CDH13: variants seen among roughly 807,000 people sequenced by gnomAD.
CDH13 encodes cadherin-13.
A neutral mutation model predicts 63.8 loss-of-function variants in CDH13; 24 were observed. The ratio of observed to expected loss-of-function variants is 0.38; its 90% CI spans 0.27 to 0.53. CDH13 has a LOEUF of 0.53. CDH13 is among the 20% of genes least tolerant of loss of function. CDH13 has a pLI of 0.85. For missense variants in CDH13, 1,049 were observed against 903.1 expected (o/e 1.16, Z -2.07); for synonymous variants, 503 against 355.3 (o/e 1.42, Z -4.67).
intron 1 of CDH13, among the ~76,000 whole-genome samples, chr16:82,788,798 G>C (rs1007897154): frequency 6.6e-6 from 1 of 152,188 alleles, no homozygotes; most frequent in Admixed American, 6.5e-5. Context: ...GAGCCCAGGT[G>C]ATGTTATTTG....
intron 1 of CDH13, among the ~76,000 whole-genome samples, chr16:82,785,176 A>G (rs2035945653): frequency 6.6e-6 from 1 of 152,142 alleles, no homozygotes; most frequent in Non-Finnish European, 1.5e-5. Flanking sequence ...ACGGAGAGAC[A>G]TAAGATAGAT....
intron 4 of CDH13, among the ~76,000 whole-genome samples, chr16:83,178,519 C>G (rs1380673607): frequency 1.3e-5 from 2 of 152,182 alleles, no homozygotes; most frequent in African/African-American, 4.8e-5. Context: ...ACGCAAATAA[C>G]TCAGACCTGA....
chr16:82,777,951 G>C lies in CDH13; in HGVS notation c.46-80411G>C, dbSNP rs375908102. On this transcript the variant is annotated intron_variant, in intron 1 of 13. Coordinates refer to ENST00000567109, the MANE Select transcript of CDH13 (RefSeq NM_001257.5). ...ATAGGTGAGAAGAGCCAGAAAGCCAGAGGGCCAAGAAAACAGAAGCCACAG... is the reference window on the plus strand; with the variant it reads ...ATAGGTGAGAAGAGCCAGAAAGCCACAGGGCCAAGAAAACAGAAGCCACAG... Among the ~76,000 whole-genome samples, 68 of 152,330 alleles carry C rather than the reference G, an allele frequency of 4.5e-4. No individual in the cohort carries two copies. In the South Asian group the frequency reaches 0.013, roughly 28 times the overall value.
intron 10 of CDH13, among the ~76,000 whole-genome samples, chr16:83,709,020 T>C (rs1159281412): frequency 6.6e-6 from 1 of 152,014 alleles, no homozygotes; most frequent in Non-Finnish European, 1.5e-5. Flanking sequence ...CGAGACCCTG[T>C]CTCAAAAAAT....
chr16:83,740,001 C>G (rs182513159), intron 10 of CDH13: 116 of 152,284 alleles, frequency 7.6e-4, no homozygotes, highest in African/African-American at 2.7e-3. Context: ...ACACAGAGGC[C>G]TTGGTGTTGG....
At chr16:83,129,650 G>A (rs959448996) in intron 4 of CDH13, among the ~76,000 whole-genome samples, 16 of 152,172 alleles carry the variant, frequency 1.1e-4, no homozygotes, top group African/African-American at 3.6e-4. Flanking sequence ...CTGGTGGAGG[G>A]CCGCTTCCAG....
chr16:82,787,318 T>G (rs753429365), intron 1 of CDH13, among the ~76,000 whole-genome samples: 14 of 152,176 alleles, frequency 9.2e-5, no homozygotes, highest in African/African-American at 1.4e-4. Context: ...CAAACAACTT[T>G]CCCTAACAAA....
At chr16:83,196,955 T>C (rs2038895644) in intron 4 of CDH13, among the ~76,000 whole-genome samples, 1 of 152,102 alleles carries the variant, frequency 6.6e-6, no homozygotes, top group Admixed American at 6.6e-5. Context: ...ATCCCAGAAA[T>C]AAAAACTTAT....
chr16:82,996,936 A>T (rs952215164), intron 2 of CDH13, among the ~76,000 whole-genome samples: 1 of 148,700 alleles, frequency 6.7e-6, no homozygotes, highest in Non-Finnish European at 1.5e-5. Context: ...AATGATAATT[A>T]CGATGGTGTT....
chr16:83,547,397 T>C (rs1161615693), intron 7 of CDH13, among the ~76,000 whole-genome samples: 2 of 152,174 alleles, frequency 1.3e-5, no homozygotes, highest in Non-Finnish European at 2.9e-5. Flanking sequence ...TACAGATTAT[T>C]TTGTCACCTG....
intron 1 of CDH13, among the ~76,000 whole-genome samples, chr16:82,817,752 C>G (rs185047546): frequency 7.2e-5 from 11 of 152,234 alleles, no homozygotes; most frequent in African/African-American, 2.6e-4. Flanking sequence ...TTGCTGTAAG[C>G]CACAGTCACA....
intron 5 of CDH13, among the ~76,000 whole-genome samples, chr16:83,282,935 T>A (rs2089216668): frequency 6.6e-6 from 1 of 152,236 alleles, no homozygotes; most frequent in Admixed American, 6.5e-5. Flanking sequence ...TTAAATGAGA[T>A]AATTTGTATA....
Position 83,220,093 on chromosome 16 carries a change from T to A in CDH13, c.636+2596T>A, listed in dbSNP as rs141561718. On this transcript the variant is annotated intron_variant, in intron 5 of 13. Transcript: ENST00000567109. ...GGCCCAGCCCTTGGCAGCGCACTCT[T>A]CAATGGGCTCATGAGGGCCTACTTT... Among the ~76,000 whole-genome samples, 329 of 152,328 alleles carry A rather than the reference T, an allele frequency of 2.2e-3. 1 individual carries two copies. The highest frequency in any genetic ancestry group is 6.1e-3 in the African/African-American group (253 of 41,582).
chr16:83,458,121 C>G (rs1471072949), intron 6 of CDH13, among the ~76,000 whole-genome samples: 1 of 152,138 alleles, frequency 6.6e-6, no homozygotes, highest in Non-Finnish European at 1.5e-5. Context: ...CCAAGAAACC[C>G]CAGGGCTTTC....
At chr16:83,015,539 G>C (rs536318081) in intron 2 of CDH13, among the ~76,000 whole-genome samples, 1 of 151,270 alleles carries the variant, frequency 6.6e-6, no homozygotes, top group African/African-American at 2.4e-5. Flanking sequence ...AATGTTTGCA[G>C]TAAGATTCCA....
intron 13 of CDH13, among the ~76,000 whole-genome samples, chr16:83,785,208 T>G (rs187558564): frequency 1.3e-5 from 2 of 152,320 alleles, no homozygotes; most frequent in East Asian, 3.9e-4. Context: ...CTGGGTGGCT[T>G]ATAAATAACA....
At chr16:82,966,295 C>G (rs1907809758) in intron 2 of CDH13, among the ~76,000 whole-genome samples, 1 of 151,920 alleles carries the variant, frequency 6.6e-6, no homozygotes, top group South Asian at 2.1e-4. Flanking sequence ...ACTACAGGCG[C>G]CCGCCACCAC....
intron 1 of CDH13, among the ~76,000 whole-genome samples, chr16:82,670,568 C>G (rs562929875): frequency 1.3e-5 from 2 of 152,218 alleles, no homozygotes; most frequent in Admixed American, 6.5e-5. Context: ...GTACTGAGGA[C>G]TATTGGGTAG....
intron 6 of CDH13, among the ~76,000 whole-genome samples, chr16:83,445,986 T>G (rs1000070673): frequency 6.6e-6 from 1 of 152,054 alleles, no homozygotes; most frequent in African/African-American, 2.4e-5. Context: ...CCCATCAAAC[T>G]TTTTTATTGG....
Sources: allele counts gnomAD v4.1 joint callset (sites outside exome capture counted in the v4.1 genomes callset), GRCh38; gene constraint gnomAD v4.1.1; transcripts MANE v1.5; gene names NCBI Gene and HGNC (gene_info 2026-07-23, HGNC 2026-07-21).